The following ACOXL variants were observed in gnomAD, a reference collection of about 807,000 sequenced individuals.
The protein encoded by ACOXL is acyl-coenzyme A oxidase-like protein.
ACOXL carries 70 observed loss-of-function variants against 71.9 expected under a neutral mutation model. The observed-to-expected ratio is 0.97, with a 90% CI of 0.80 to 1.19. The LOEUF is 1.19. Ranked by LOEUF, ACOXL falls within the 50% of genes most tolerant of loss-of-function variation. The pLI is 0.00. For missense variants in ACOXL, 703 were observed against 736.3 expected (o/e 0.95, Z 0.52); for synonymous variants, 253 against 281.6 (o/e 0.90, Z 1.02).
At chr2:110,752,413 G>C (rs919767089) in intron 1 of ACOXL, among the ~76,000 whole-genome samples, 1 of 151,910 alleles carries the variant, frequency 6.6e-6, no homozygotes, top group African/African-American at 2.4e-5. Context: ...GAGGCCTGGA[G>C]TTCAAGACAA....
At chr2:111,038,497 T>C (rs1054476738) in intron 15 of ACOXL, among the ~76,000 whole-genome samples, 7 of 152,252 alleles carry the variant, frequency 4.6e-5, no homozygotes, top group African/African-American at 1.2e-4. Flanking sequence ...CTACAGCCCC[T>C]GTTCATTTAA....
At chr2:110,871,416 C>G (rs11676457) in intron 10 of ACOXL, among the ~76,000 whole-genome samples, 2,287 of 151,898 alleles carry the variant, frequency 0.015, 19 homozygotes, top group Non-Finnish European at 0.023. Context: ...CTGGTCCCAG[C>G]CCAGTGGAGA....
chr2:110,814,288 G>A (rs921102533), intron 9 of ACOXL, among the ~76,000 whole-genome samples: 1 of 152,162 alleles, frequency 6.6e-6, no homozygotes, highest in African/African-American at 2.4e-5. Context: ...ACAGCTGTGT[G>A]TCACTGTGGT....
intron 12 of ACOXL, among the ~76,000 whole-genome samples, chr2:110,949,607 G>C (rs1053198679): frequency 6.6e-6 from 1 of 152,160 alleles, no homozygotes; most frequent in East Asian, 1.9e-4. Context: ...AACTTTGAAA[G>C]AACCTTGCTC....
intron 2 of ACOXL, among the ~76,000 whole-genome samples, chr2:110,777,159 AT>A (rs1293346810): frequency 6.6e-6 from 1 of 152,070 alleles, no homozygotes; most frequent in Non-Finnish European, 1.5e-5. Context: ...CATGTTTGCG[AT>A]GTTTAGGGTC....
intron 3 of ACOXL, among the ~76,000 whole-genome samples, chr2:110,789,491 G>T (rs1470038816): frequency 6.6e-6 from 1 of 152,146 alleles, no homozygotes; most frequent in Non-Finnish European, 1.5e-5. Context: ...AGATCATGGT[G>T]CCAGCATGGT....
intron 12 of ACOXL, among the ~76,000 whole-genome samples, chr2:110,976,141 T>G (rs1260512876): frequency 6.6e-6 from 1 of 152,122 alleles, no homozygotes; most frequent in Non-Finnish European, 1.5e-5. Flanking sequence ...AAGAAAGGCC[T>G]CAAAACCCTC....
At chr2:111,113,834 T>G (rs2070155560) in intron 17 of ACOXL, among the ~76,000 whole-genome samples, 1 of 152,208 alleles carries the variant, frequency 6.6e-6, no homozygotes, top group Non-Finnish European at 1.5e-5. Context: ...TTAATTAAGG[T>G]TCCCCTTCCT....
chr2:110,827,383 G>A (rs72832846), intron 9 of ACOXL, among the ~76,000 whole-genome samples: 3,477 of 152,334 alleles, frequency 0.023, 62 homozygotes, highest in South Asian at 0.05. Flanking sequence ...GGCATGGCAG[G>A]TGAATGAGCT....
chr2:111,046,473 C>T (rs1472641967), intron 15 of ACOXL, among the ~76,000 whole-genome samples: 1 of 152,190 alleles, frequency 6.6e-6, no homozygotes, highest in African/African-American at 2.4e-5. Context: ...AATTGACTCA[C>T]AGTTCTGCAG....
chr2:110,833,905 C>T (rs1164604856), intron 9 of ACOXL, among the ~76,000 whole-genome samples: 4 of 152,058 alleles, frequency 2.6e-5, no homozygotes, highest in African/African-American at 4.8e-5. Context: ...CATTGAAAAG[C>T]GATGTCTTGG....
At chr2:111,068,191 A>G (rs2067163931) in intron 16 of ACOXL, among the ~76,000 whole-genome samples, 1 of 152,180 alleles carries the variant, frequency 6.6e-6, no homozygotes, top group Non-Finnish European at 1.5e-5. Flanking sequence ...GATGAGTTGG[A>G]AGCAGGAGAA....
intron 10 of ACOXL, among the ~76,000 whole-genome samples, chr2:110,904,415 T>C (rs1405822884): frequency 6.6e-6 from 1 of 152,174 alleles, no homozygotes; most frequent in Non-Finnish European, 1.5e-5. Context: ...GTGGAGCTGC[T>C]GGGAGTTGGC....
intron 11 of ACOXL, among the ~76,000 whole-genome samples, chr2:110,912,876 G>C (rs1440146476): frequency 6.6e-6 from 1 of 152,104 alleles, no homozygotes; most frequent in East Asian, 1.9e-4. Flanking sequence ...ATCTGGACTT[G>C]TATCTAGAAC....
Position 111,056,788 on chromosome 2 carries a change from CA to C in ACOXL, c.1440+7520del, listed in dbSNP as rs34865595. ...GGGTGACAGAGCAAGACTCTGTCTCCAAAAAAAAAAAAAAAAAAAATTTCAT... is the reference window on the plus strand; with the variant it reads ...GGGTGACAGAGCAAGACTCTGTCTCCAAAAAAAAAAAAAAAAAAATTTCAT... On this transcript the variant is annotated intron_variant, in intron 16 of 17. Transcript: ENST00000439055. 1.3e-3 allele frequency among the ~76,000 whole-genome samples: 138 copies of C among 102,274 alleles called. 1 individual carries two copies. The highest frequency in any genetic ancestry group is 2.4e-3 in the Admixed American group (22 of 9,268). The allele number at this position is 102,274 out of a possible 152,430, so 67.1% of individuals were successfully genotyped here.
At chr2:110,786,425 T>C (rs1683971608) in intron 3 of ACOXL, among the ~76,000 whole-genome samples, 1 of 152,220 alleles carries the variant, frequency 6.6e-6, no homozygotes, top group Non-Finnish European at 1.5e-5. Context: ...GCACGATCTC[T>C]TCCCTCTTGG....
At chr2:111,088,769 A>C (rs1161415277) in intron 16 of ACOXL, among the ~76,000 whole-genome samples, 3 of 152,176 alleles carry the variant, frequency 2.0e-5, no homozygotes, top group Non-Finnish European at 2.9e-5. Context: ...ATAGCCCTGA[A>C]CCTAAAATAA....
At chr2:110,797,325 G>GT (rs1289661664) in intron 5 of ACOXL, among the ~76,000 whole-genome samples, 1 of 152,142 alleles carries the variant, frequency 6.6e-6, no homozygotes, top group Non-Finnish European at 1.5e-5. Context: ...AAACTGCATG[G>GT]TACATTCTAA....
At chr2:110,765,588 AT>A (rs1680945878) in intron 1 of ACOXL, among the ~76,000 whole-genome samples, 1 of 152,132 alleles carries the variant, frequency 6.6e-6, no homozygotes, top group Non-Finnish European at 1.5e-5. Flanking sequence ...TATTTTTCAT[AT>A]TCTGGAGGCT....
Sources: gnomAD v4.1 joint callset for allele counts (sites outside exome capture counted in the v4.1 genomes callset) on GRCh38, gnomAD v4.1.1 for gene constraint, MANE v1.5 for transcripts, NCBI Gene and HGNC (gene_info 2026-07-23, HGNC 2026-07-21) for gene names.